Variants in TWNK observed in about 807,000 individuals in gnomAD.
The protein encoded by TWNK is twinkle mtDNA helicase.
In TWNK, 36 loss-of-function variants were observed where a neutral mutation model predicts 58.2. That is an observed-to-expected ratio of 0.62 (90% CI 0.47 to 0.82). The LOEUF (loss-of-function observed/expected upper bound fraction) is 0.82. Ranked by LOEUF, TWNK falls within the 40% of genes least tolerant of loss-of-function variation. TWNK has a pLI of 0.00. For missense variants in TWNK, 714 were observed against 881.0 expected (o/e 0.81, Z 2.40); for synonymous variants, 349 against 348.5 (o/e 1.00, Z -0.02).
chr10:100,992,528 T>TAAAAAAAA (rs1209775610), intron 4 of TWNK, among the ~76,000 whole-genome samples: 1 of 91,122 alleles, frequency 1.1e-5, no homozygotes, highest in Non-Finnish European at 2.1e-5. Context: ...ACCCTGTCTT[T>TAAAAAAAA]AAAAAAAAAA....
rs772857969 is a variant in TWNK, at chr10:100,989,708, G to C, written c.1308G>C (p.Gly436=). The C allele has an allele frequency of 6.2e-7, 1 of 1,614,118 alleles. No homozygotes were observed. Among genetic ancestry groups the C allele is most frequent in the Non-Finnish European group, 8.5e-7 (1 of 1,179,984 alleles). ...SEYALDLCSQ[G]VNTLWGSFEI... is the part of the protein sequence containing the mutation. ...ATGCCCTGGATTTGTGTTCCCAGGG[G>C]GTGAACACACTGTGGGGTAGCTTCG... The change falls in exon 2 of 5, where the codon GGG becomes GGC. Residue 436 remains glycine, a synonymous_variant. Coordinates refer to ENST00000311916, the MANE Select transcript of TWNK (RefSeq NM_021830.5). The surrounding 1 kb of genome is among the most constrained non-coding windows in gnomAD (Gnocchi z 7.6).
Position 100,993,269 on chromosome 10 carries a change from T to TG in TWNK, c.1815dup (p.Ser606ValfsTer6). On this transcript the variant is annotated frameshift_variant, in exon 5 of 5. Coordinates refer to ENST00000311916, the MANE Select transcript of TWNK (RefSeq NM_021830.5). LOFTEE classifies it high-confidence loss of function. ...GGGCCAGGGAAACGGTATCTGCAGG[T>TG]GTCCAAGAACCGCTTTGATGGAGAT... The TG allele has an allele frequency of 6.2e-7, 1 of 1,614,186 alleles. No individual in the cohort carries two copies. The highest frequency in any genetic ancestry group is 8.5e-7 in the Non-Finnish European group (1 of 1,180,042).
In TWNK at chr10:100,987,977, G is replaced by A; in HGVS notation, c.-234G>A. ...GAGAAACTAACTAACGGACCATAGA[G>A]GTGGGGGAGCCATTGTAGAAGGACG... On this transcript the variant is annotated 5_prime_UTR_variant, in exon 1 of 5. Transcript: ENST00000311916. 6.2e-6 allele frequency: 4 copies of A among 641,564 alleles called. No homozygotes were observed. Among genetic ancestry groups the A allele is most frequent in the Non-Finnish European group, 1.1e-5 (4 of 355,398 alleles). The allele number at this position is 641,564 out of a possible 1,614,324, so 39.7% of individuals were successfully genotyped here.
At chr10:100,990,629 A>G (rs558648955) in intron 3 of TWNK, 86 bp downstream of exon 3, 1 of 1,610,826 alleles carries the variant, frequency 6.2e-7, no homozygotes, top group East Asian at 2.2e-5. Flanking sequence ...CTAGGCACAC[A>G]TGCTGTGCTC....
chr10:100,991,238 C>T (rs917728313), intron 4 of TWNK: 5 of 602,852 alleles, frequency 8.3e-6, no homozygotes, highest in East Asian at 2.8e-5. Flanking sequence ...CCTGGGGAAA[C>T]AGTAAGACAG....
At chr10:100,990,826 C>G in intron 3 of TWNK, 43 bp from the exon 4 acceptor site, 1 of 1,609,988 alleles carries the variant, frequency 6.2e-7, no homozygotes. Flanking sequence ...TGTTCTTGTC[C>G]TTCTGTGTCT....
At chr10:100,993,071 C>T in intron 4 of TWNK, 119 bp from the exon 5 acceptor site, 2 of 1,065,354 alleles carry the variant, frequency 1.9e-6, no homozygotes, top group Non-Finnish European at 1.4e-6. Context: ...CAGGCGTGAG[C>T]CATTGTACCC....
intron 4 of TWNK, 22 bp from the exon 5 acceptor site, chr10:100,993,168 C>T: frequency 6.2e-7 from 1 of 1,613,648 alleles, no homozygotes; most frequent in Non-Finnish European, 8.5e-7. Flanking sequence ...CTGCTTTCCT[C>T]CTTCTGCCCC....
rs1851850030 is a variant in TWNK, at chr10:100,993,707, G to A, written c.*197G>A. ...GAAACTACTGTGTTGCTCAGGCTTT[G>A]TTTGAGGTCCTGTATATACAGCACT... is the stretch of plus-strand genomic sequence containing the variant. On this transcript the variant is annotated 3_prime_UTR_variant, in exon 5 of 5. Coordinates refer to ENST00000311916, the MANE Select transcript of TWNK (RefSeq NM_021830.5). The A allele has an allele frequency of 7.8e-6, 5 of 641,022 alleles. No individual in the cohort carries two copies. Among genetic ancestry groups the A allele is most frequent in the African/African-American group, 1.8e-5 (1 of 54,866 alleles). 39.7% of individuals were successfully genotyped at this position (641,022 alleles called of 1,614,324 possible). A position where few individuals can be genotyped will look rare whatever the true frequency, so the allele number is the denominator to read the frequency against.
rs772106344 is a variant in TWNK at position 100,988,936 on chromosome 10, C to T, written c.726C>T (p.Ser242=). The T allele has an allele frequency of 2.4e-5, 38 of 1,614,058 alleles. No individual in the cohort carries two copies. The highest frequency in any genetic ancestry group is 1.5e-4 in the African/African-American group (11 of 74,910). ...AGGAAACCACTATTCCCCGACCCAG[C>T]GCCTACCACAATCTGTTTGGATTAC... is the stretch of plus-strand genomic sequence containing the variant. ...SYEETTIPRP[S]AYHNLFGLPL... is the part of the protein sequence containing the mutation. Residue 242 remains serine (S), a synonymous_variant, in exon 1 of 5, where the codon AGC becomes AGT. Transcript: ENST00000311916. The surrounding 1 kb of genome is among the most constrained non-coding windows in gnomAD (Gnocchi z 5.2).
rs568863459 is a variant in TWNK, at chr10:100,987,556, A to G, written c.-655A>G. 8 of 1,447,502 alleles carry G rather than the reference A, an allele frequency of 5.5e-6. No individual in the cohort carries two copies. In the Admixed American group the frequency reaches 1.9e-4, roughly 34 times the overall value. 89.7% of individuals were successfully genotyped at this position (1,447,502 alleles called of 1,614,324 possible). ...TCCCGGAGTTTTGCTTCCGAGGTCA[A>G]GGCGAGTAGCATGTGCGGGAGACTC... On this transcript the variant is annotated 5_prime_UTR_variant, in exon 1 of 5. Transcript: ENST00000311916.
rs1210114905 is a variant in TWNK at position 100,991,877 on chromosome 10, G to A, written c.1734+867G>A. ...ATACAAAAAAAAAAAAAAATTAGCC[G>A]GGCGTGGTGGCAGGCACCTGTAGTC... On this transcript the variant is annotated intron_variant, in intron 4 of 4. Transcript: ENST00000311916. Among the ~76,000 whole-genome samples, 46 of 151,414 alleles carry A rather than the reference G, an allele frequency of 3.0e-4. No individual in the cohort carries two copies. The East Asian group carries it at 5.7e-3, about 19-fold the overall frequency.
In TWNK at chr10:100,987,832, G is replaced by T. The variant is rs1851615802; in HGVS notation, c.-379G>T. 1 of 590,748 alleles carries T rather than the reference G, an allele frequency of 1.7e-6. No individual in the cohort carries two copies. Among genetic ancestry groups the T allele is most frequent in the African/African-American group, 1.9e-5 (1 of 53,738 alleles). 36.6% of individuals were successfully genotyped at this position (590,748 alleles called of 1,614,324 possible). A position where few individuals can be genotyped will look rare whatever the true frequency, so the allele number is the denominator to read the frequency against. Reference sequence around the variant, plus strand: ...AAGGGACTACAAAAAGGATGCAGATGACTATAGAAATGAGGACGACGAGGA... The same window carrying T: ...AAGGGACTACAAAAAGGATGCAGATTACTATAGAAATGAGGACGACGAGGA... On this transcript the variant is annotated 5_prime_UTR_variant, in exon 1 of 5. An upstream start codon of the reference 5' UTR is lost. Coordinates refer to ENST00000311916, the MANE Select transcript of TWNK (RefSeq NM_021830.5).
At position 100,988,018 on chromosome 10, in the gene TWNK, C is replaced by T; in HGVS notation, c.-193C>T. 1 of 686,706 alleles carries T rather than the reference C, an allele frequency of 1.5e-6. No individual in the cohort carries two copies. Among genetic ancestry groups the T allele is most frequent in the Non-Finnish European group, 2.6e-6 (1 of 386,326 alleles). The allele number at this position is 686,706 out of a possible 1,614,324, so 42.5% of individuals were successfully genotyped here. ...TAGAAGGACGTGGACGCGAAAGGGT[C>T]GTGTAGATGGGCATATGTGTGAAGC... On this transcript the variant is annotated 5_prime_UTR_variant, in exon 1 of 5. Transcript: ENST00000311916. The surrounding 1 kb of genome is among the most constrained non-coding windows in gnomAD (Gnocchi z 5.2).
chr10:100,993,377 T>C lies in TWNK; in HGVS notation c.1922T>C (p.Ile641Thr). The C allele has an allele frequency of 6.2e-7, 1 of 1,614,084 alleles. No individual in the cohort carries two copies. Among genetic ancestry groups the C allele is most frequent in the Non-Finnish European group, 8.5e-7 (1 of 1,180,040 alleles). ...AAGAACAAGGCCCGGCTCAAGAAGA[T>C]CAAGGATGACACTGGACCAGTGGCC... ...PPKNKARLKK[I>T]KDDTGPVAKK... Residue 641 changes from isoleucine to threonine, a missense_variant, in exon 5 of 5, where the codon ATC becomes ACC. Around this residue, in one of 3 missense-constraint regions of TWNK, gnomAD observed 64 missense variants for 54.0 expected, o/e 1.19. Transcript: ENST00000311916.
rs762255720 is a variant in TWNK, at chr10:100,989,239, G to A, written c.1029G>A (p.Leu343=). The stretch of plus-strand genomic sequence containing the variant: ...CAGGAGACCAGCAACCCCGTCCCCT[G>A]GAGGCCCTGAACGGAGGCTTCAATC... ...VRPGDQQPRP[L]EALNGGFNLS... Residue 343 remains leucine, a synonymous_variant, in exon 1 of 5, where the codon CTG becomes CTA. Transcript: ENST00000311916. The surrounding 1 kb of genome is among the most constrained non-coding windows in gnomAD (Gnocchi z 7.6). The A allele has an allele frequency of 6.2e-7, 1 of 1,614,164 alleles. No homozygotes were observed. The highest frequency in any genetic ancestry group is 1.7e-5 in the Admixed American group (1 of 60,020).
chr10:100,993,460 G>A lies in TWNK; in HGVS notation c.2005G>A (p.Gly669Ser), dbSNP rs1851842282. Residue 669 changes from glycine to serine, a missense_variant, in exon 5 of 5, where the codon GGC (glycine) becomes AGC (serine). This residue lies in a region of TWNK where 64 missense variants were observed against 54.0 expected (regional missense o/e 1.19). Transcript: ENST00000311916. ...ATTQNSEICS[G>S]QAPTPDQPDT... Reference sequence around the variant, plus strand: ...GACACAGAACTCTGAGATTTGCTCAGGCCAGGCCCCCACTCCCGACCAGCC... The same window carrying A: ...GACACAGAACTCTGAGATTTGCTCAAGCCAGGCCCCCACTCCCGACCAGCC... 1 of 1,614,186 alleles carries A rather than the reference G, an allele frequency of 6.2e-7. No individual in the cohort carries two copies.
In TWNK at chr10:100,992,623, G is replaced by A. The variant is rs116010286; in HGVS notation, c.1735-567G>A. Reference sequence around the variant, plus strand: ...AAGAGAAGAAGCTGAGGTTGAGTGGGGTGGCCCGCTGTGGAGAAGGAGAGG... The same window carrying A: ...AAGAGAAGAAGCTGAGGTTGAGTGGAGTGGCCCGCTGTGGAGAAGGAGAGG... On this transcript the variant is annotated intron_variant, in intron 4 of 4. Transcript: ENST00000311916. Among the ~76,000 whole-genome samples the A allele has an allele frequency of 2.0e-3, 300 of 152,056 alleles. 1 individual carries two copies. Among genetic ancestry groups the A allele is most frequent in the African/African-American group, 7.1e-3 (294 of 41,488 alleles).
chr10:100,989,128 C>G lies in TWNK; in HGVS notation c.918C>G (p.Phe306Leu). Reference sequence around the variant, plus strand: ...TGGAACAGTTCCGGCGGATTGTATTCTGGTTGGGGGATGACCTTCGGTCCT... The same window carrying G: ...TGGAACAGTTCCGGCGGATTGTATTGTGGTTGGGGGATGACCTTCGGTCCT... ...PYLEQFRRIV[F>L]WLGDDLRSWE... is the part of the protein sequence containing the mutation. Residue 306 changes from phenylalanine (F) to leucine (L), a missense_variant, in exon 1 of 5, where the codon TTC (phenylalanine) becomes TTG (leucine). By Grantham distance (22) the Phe-to-Leu change is conservative. Transcript: ENST00000311916. This position sits in a 1 kb window ranked among gnomAD's most constrained non-coding sequence, Gnocchi z 7.6. 1 of 1,612,120 alleles carries G rather than the reference C, an allele frequency of 6.2e-7. No individual in the cohort carries two copies.
Sources: gnomAD v4.1 joint callset for allele counts (sites outside exome capture counted in the v4.1 genomes callset) on GRCh38, gnomAD v4.1.1 for gene constraint, gnomAD v4.1.1 regional missense constraint, Gnocchi (gnomAD v3.1) non-coding constraint, MANE v1.5 for transcripts, NCBI Gene and HGNC (gene_info 2026-07-23, HGNC 2026-07-21) for gene names.